The following TRPM3 variants were observed in gnomAD, a reference collection of about 807,000 sequenced individuals.
TRPM3 encodes the protein long transient receptor potential channel 3.
A neutral mutation model predicts 181.2 loss-of-function variants in TRPM3; 77 were observed. The observed-to-expected ratio is 0.42, with a 90% CI of 0.35 to 0.51. The LOEUF (loss-of-function observed/expected upper bound fraction) is 0.51. Among genes scored for constraint, TRPM3 ranks in the 20% least tolerant of loss-of-function variants. TRPM3 has a pLI of 0.01. For synonymous variants in TRPM3, 745 were observed against 796.4 expected (o/e 0.94, Z 1.09); for missense variants, 1,759 against 2,196.7 (o/e 0.80, Z 3.98).
At chr9:70,681,276 A>G (rs1028376024) in intron 9 of TRPM3, among the ~76,000 whole-genome samples, 4 of 152,168 alleles carry the variant, frequency 2.6e-5, no homozygotes, top group Non-Finnish European at 5.9e-5. Flanking sequence ...TAATTCATGG[A>G]CATAACTAAA....
At chr9:71,073,783 A>C (rs1415482855) in intron 1 of TRPM3, among the ~76,000 whole-genome samples, 1 of 152,124 alleles carries the variant, frequency 6.6e-6, no homozygotes, top group African/African-American at 2.4e-5. Flanking sequence ...ATTAAAAAAA[A>C]CAGAAAAATA....
At chr9:70,746,331 GA>G (rs1333669695) in intron 8 of TRPM3, among the ~76,000 whole-genome samples, 3 of 152,164 alleles carry the variant, frequency 2.0e-5, no homozygotes, top group Non-Finnish European at 2.9e-5. Context: ...TGGTTTTTAT[GA>G]GTCTATTAAG....
intron 1 of TRPM3, among the ~76,000 whole-genome samples, chr9:70,994,589 T>C (rs976398520): frequency 2.6e-5 from 4 of 152,062 alleles, no homozygotes; most frequent in Middle Eastern, 3.2e-3. Flanking sequence ...CAGGGAAGTA[T>C]ACACATTGAT....
intron 1 of TRPM3, among the ~76,000 whole-genome samples, chr9:71,279,061 AT>A (rs143125850): frequency 0.013 from 1,429 of 110,070 alleles, 212 homozygotes; most frequent in Non-Finnish European, 0.017. Flanking sequence ...AAAAATAAAA[AT>A]AAAAAAACCA....
chr9:70,754,395 A>AGTT (rs909491955), intron 8 of TRPM3, among the ~76,000 whole-genome samples: 1 of 152,184 alleles, frequency 6.6e-6, no homozygotes, highest in African/African-American at 2.4e-5. Flanking sequence ...AAACAATGAT[A>AGTT]GAACTTAGGT....
chr9:71,388,963 T>C (rs1398145138), intron 1 of TRPM3, among the ~76,000 whole-genome samples: 1 of 152,022 alleles, frequency 6.6e-6, no homozygotes, highest in African/African-American at 2.4e-5. Flanking sequence ...AACAGCTTCT[T>C]TGAGCACAAA....
rs186388307 is a variant in TRPM3, at chr9:71,217,299, T to A, written c.183+229354A>T. Among the ~76,000 whole-genome samples the A allele has an allele frequency of 1.9e-4, 29 of 152,252 alleles. 1 individual carries two copies. The East Asian group carries it at 4.4e-3, about 23-fold the overall frequency. ...TCTCTCCTATAAACTCTAGACAGTG[T>A]AACAGGGTTCATGGTCATATTTAGC... On this transcript the variant is annotated intron_variant, in intron 1 of 24. Transcript: ENST00000357533.
chr9:70,864,095 G>T (rs999396311), intron 2 of TRPM3, among the ~76,000 whole-genome samples: 1 of 151,836 alleles, frequency 6.6e-6, no homozygotes, highest in South Asian at 2.1e-4. Context: ...TTTTCCTATT[G>T]CAGAACGTGT....
At chr9:70,997,726 G>C (rs548391899) in intron 1 of TRPM3, among the ~76,000 whole-genome samples, 1 of 152,228 alleles carries the variant, frequency 6.6e-6, no homozygotes, top group Admixed American at 6.5e-5. Context: ...AATTTCACCA[G>C]TTCCTCAGCG....
intron 19 of TRPM3, among the ~76,000 whole-genome samples, chr9:70,608,914 C>T (rs1035727482): frequency 6.6e-6 from 1 of 152,154 alleles, no homozygotes; most frequent in African/African-American, 2.4e-5. Flanking sequence ...GTACCTAGAA[C>T]ATTGCCTCAA....
At position 71,331,712 on chromosome 9, in the gene TRPM3, AAGG is replaced by A. The variant is rs1215631822; in HGVS notation, c.183+114938_183+114940del. Among the ~76,000 whole-genome samples, 5 of 114,478 alleles carry A rather than the reference AAGG, an allele frequency of 4.4e-5. 1 individual carries two copies. The highest frequency in any genetic ancestry group is 8.5e-5 in the Admixed American group (1 of 11,820). 75.1% of individuals were successfully genotyped at this position (114,478 alleles called of 152,430 possible). A position where few individuals can be genotyped will look rare whatever the true frequency, so the allele number is the denominator to read the frequency against. ...GGAGAAGGAGAAAAAGGAGGAGAAA[AAGG>A]AGGAGGAAAAGGAGGAGAAAAAGGA... On this transcript the variant is annotated intron_variant, in intron 1 of 24. Transcript: ENST00000357533.
intron 1 of TRPM3, among the ~76,000 whole-genome samples, chr9:71,036,196 G>C (rs1266892309): frequency 6.6e-6 from 1 of 151,984 alleles, no homozygotes; most frequent in African/African-American, 2.4e-5. Context: ...CAATTGATTG[G>C]AAGAGTCAGC....
intron 12 of TRPM3, among the ~76,000 whole-genome samples, chr9:70,628,557 C>T (rs1024133302): frequency 6.6e-6 from 1 of 152,060 alleles, no homozygotes; most frequent in African/African-American, 2.4e-5. Context: ...AGTGTGGGCT[C>T]ACACCTGTAA....
At chr9:70,696,898 C>T (rs1337301418) in intron 8 of TRPM3, among the ~76,000 whole-genome samples, 1 of 152,180 alleles carries the variant, frequency 6.6e-6, no homozygotes, top group African/African-American at 2.4e-5. Context: ...CTCCTTGCTC[C>T]TGTGTGTCTG....
At chr9:71,291,043 A>G (rs1413220059) in intron 1 of TRPM3, among the ~76,000 whole-genome samples, 1 of 152,198 alleles carries the variant, frequency 6.6e-6, no homozygotes, top group Non-Finnish European at 1.5e-5. Flanking sequence ...AATATATACT[A>G]TTAACGAAGA....
intron 8 of TRPM3, among the ~76,000 whole-genome samples, chr9:70,737,847 A>G (rs1397150292): frequency 2.6e-5 from 4 of 152,222 alleles, no homozygotes; most frequent in Non-Finnish European, 4.4e-5. Flanking sequence ...ATATGCACCT[A>G]CCATTGGAGC....
chr9:70,640,469 ATCG>A, intron 10 of TRPM3, 88 bp downstream of exon 10: 1 of 962,194 alleles, frequency 1.0e-6, no homozygotes, highest in South Asian at 1.6e-5. Context: ...AGAAAAAGCA[ATCG>A]TTTTCTGAGC....
At chr9:70,769,094 A>G (rs1358580621) in intron 7 of TRPM3, among the ~76,000 whole-genome samples, 1 of 152,164 alleles carries the variant, frequency 6.6e-6, no homozygotes, top group East Asian at 1.9e-4. Context: ...AAATGGTTCT[A>G]CAGAGCAGAC....
At chr9:70,759,929 C>T (rs1387575206) in intron 8 of TRPM3, among the ~76,000 whole-genome samples, 1 of 151,992 alleles carries the variant, frequency 6.6e-6, no homozygotes, top group African/African-American at 2.4e-5. Flanking sequence ...TTTAACAAAC[C>T]TGAATGTTCT....
Sources: gnomAD v4.1 joint callset for allele counts (sites outside exome capture counted in the v4.1 genomes callset) on GRCh38, gnomAD v4.1.1 for gene constraint, MANE v1.5 for transcripts, NCBI Gene and HGNC (gene_info 2026-07-23, HGNC 2026-07-21) for gene names.